PPM1L: variants seen among roughly 807,000 people sequenced by gnomAD.
PPM1L encodes the protein protein phosphatase, Mg2+/Mn2+ dependent 1L.
A neutral mutation model predicts 31.4 loss-of-function variants in PPM1L; 13 were observed. The ratio of observed to expected loss-of-function variants is 0.41; its 90% CI spans 0.27 to 0.66. PPM1L has a LOEUF of 0.66. PPM1L is among the 30% of genes least tolerant of loss of function. The probability of loss-of-function intolerance (pLI) is 0.29; values close to 1 mark genes in which losing one functional copy is unlikely to be tolerated. For missense variants in PPM1L, 326 were observed against 453.7 expected (o/e 0.72, Z 2.56); for synonymous variants, 184 against 175.4 (o/e 1.05, Z -0.39).
intron 1 of PPM1L, among the ~76,000 whole-genome samples, chr3:160,910,654 T>G (rs1560148130): frequency 6.6e-6 from 1 of 152,212 alleles, no homozygotes; most frequent in Non-Finnish European, 1.5e-5. Context: ...CCATGGCTTT[T>G]ATTTTCTTTT....
intron 2 of PPM1L, among the ~76,000 whole-genome samples, chr3:161,023,311 A>G (rs947026580): frequency 6.6e-6 from 1 of 151,952 alleles, no homozygotes; most frequent in Non-Finnish European, 1.5e-5. Flanking sequence ...ATTTCTTCAA[A>G]TATTCTTTTG....
chr3:161,026,446 A>C (rs1429769502), intron 2 of PPM1L, among the ~76,000 whole-genome samples: 1 of 152,238 alleles, frequency 6.6e-6, no homozygotes, highest in African/African-American at 2.4e-5. Flanking sequence ...CTGTAATCCC[A>C]GCCCTTTGGG....
chr3:161,038,585 TAAAAAAAAAAAAAAAA>T (rs35502476), intron 2 of PPM1L, among the ~76,000 whole-genome samples: 1 of 110,584 alleles, frequency 9.0e-6, no homozygotes, highest in Non-Finnish European at 1.9e-5. Context: ...GGATTTGTTT[TAAAAAAAAAAAAAAAA>T]AAAAAAAAAA....
At chr3:161,019,799 T>C (rs1345451370) in intron 2 of PPM1L, among the ~76,000 whole-genome samples, 1 of 152,090 alleles carries the variant, frequency 6.6e-6, no homozygotes, top group African/African-American at 2.4e-5. Context: ...TTAGTTGGCC[T>C]TTTTCTCTAA....
chr3:160,920,866 GCTAAGAAGGTATAGTTA>G (rs1296071088), intron 1 of PPM1L, among the ~76,000 whole-genome samples: 1 of 152,096 alleles, frequency 6.6e-6, no homozygotes, highest in South Asian at 2.1e-4. Flanking sequence ...TCCCCTGGCA[GCTAAGAAGGTATAGTTA>G]CTAGAAGGCC....
intron 1 of PPM1L, among the ~76,000 whole-genome samples, chr3:160,810,508 C>G (rs1453649252): frequency 6.6e-6 from 1 of 152,136 alleles, no homozygotes; most frequent in Non-Finnish European, 1.5e-5. Flanking sequence ...TGGTGGCCAC[C>G]TTCTTTTTCC....
chr3:160,974,156 A>C (rs1319930901), intron 2 of PPM1L, among the ~76,000 whole-genome samples: 1 of 151,372 alleles, frequency 6.6e-6, no homozygotes, highest in African/African-American at 2.4e-5. Context: ...TTTACTGAGA[A>C]TGATGATTTC....
At chr3:160,786,830 T>C (rs906393296) in intron 1 of PPM1L, among the ~76,000 whole-genome samples, 15 of 152,156 alleles carry the variant, frequency 9.9e-5, no homozygotes, top group African/African-American at 3.4e-4. Context: ...CTCCTACTTA[T>C]AAGTAAGAAC....
chr3:160,975,206 G>A (rs1716521744), intron 2 of PPM1L, among the ~76,000 whole-genome samples: 1 of 151,980 alleles, frequency 6.6e-6, no homozygotes, highest in Non-Finnish European at 1.5e-5. Flanking sequence ...TATTTCTGAG[G>A]GCTCTGTTCT....
intron 1 of PPM1L, among the ~76,000 whole-genome samples, chr3:160,786,151 C>CTGTG (rs1318787874): frequency 2.6e-4 from 22 of 85,676 alleles, no homozygotes; most frequent in East Asian, 2.5e-3. Context: ...CTCTCTCTCT[C>CTGTG]TCTCTCTGTG....
chr3:160,896,531 G>A (rs1373583079), intron 1 of PPM1L, among the ~76,000 whole-genome samples: 4 of 152,254 alleles, frequency 2.6e-5, no homozygotes, highest in Non-Finnish European at 4.4e-5. Context: ...AGATAAAAAT[G>A]TGTTGCCTTA....
intron 2 of PPM1L, among the ~76,000 whole-genome samples, chr3:161,060,315 T>C (rs1719531120): frequency 6.6e-6 from 1 of 151,840 alleles, no homozygotes; most frequent in Non-Finnish European, 1.5e-5. Flanking sequence ...GACAAAAAGG[T>C]TGGCATGTAT....
chr3:160,826,424 A>C (rs1713357851), intron 1 of PPM1L, among the ~76,000 whole-genome samples: 1 of 152,290 alleles, frequency 6.6e-6, no homozygotes, highest in African/African-American at 2.4e-5. Context: ...AGAGGCCATT[A>C]GAGCAATTGA....
intron 1 of PPM1L, among the ~76,000 whole-genome samples, chr3:160,839,055 A>G (rs1713794370): frequency 1.3e-5 from 2 of 152,350 alleles, no homozygotes; most frequent in South Asian, 2.1e-4. Context: ...CCTTCTCACC[A>G]TGAGATGCCC....
intron 2 of PPM1L, among the ~76,000 whole-genome samples, chr3:161,039,227 C>A (rs1471636369): frequency 5.3e-5 from 8 of 152,178 alleles, no homozygotes; most frequent in Non-Finnish European, 1.2e-4. Context: ...TGTGGACTCG[C>A]CCTGAATTCT....
chr3:160,951,987 AT>A (rs1246758480), intron 1 of PPM1L, among the ~76,000 whole-genome samples: 1 of 152,180 alleles, frequency 6.6e-6, no homozygotes, highest in Admixed American at 6.5e-5. Flanking sequence ...CTTTTTCCTG[AT>A]GCCATCTCTC....
At chr3:160,760,711 G>T (rs190104213) in intron 1 of PPM1L, among the ~76,000 whole-genome samples, 2,507 of 146,172 alleles carry the variant, frequency 0.017, 62 homozygotes, top group African/African-American at 0.058. Flanking sequence ...GCAAAAGGTG[G>T]TTTTTTTTTT....
At chr3:160,837,731 C>G (rs1713761708) in intron 1 of PPM1L, among the ~76,000 whole-genome samples, 1 of 152,106 alleles carries the variant, frequency 6.6e-6, no homozygotes, top group African/African-American at 2.4e-5. Flanking sequence ...GAGGTCAGAA[C>G]ACAGACAAAA....
chr3:160,894,100 A>G (rs1435255977), intron 1 of PPM1L, among the ~76,000 whole-genome samples: 3 of 152,212 alleles, frequency 2.0e-5, no homozygotes, highest in Non-Finnish European at 2.9e-5. Flanking sequence ...TTTTCAATGT[A>G]TGATGGGTTT....
Sources: allele counts gnomAD v4.1 joint callset (sites outside exome capture counted in the v4.1 genomes callset), GRCh38; gene constraint gnomAD v4.1.1; transcripts MANE v1.5; gene names NCBI Gene and HGNC (gene_info 2026-07-23, HGNC 2026-07-21).